RMDN1: variants seen among roughly 807,000 people sequenced by gnomAD.
RMDN1 encodes regulator of microtubule dynamics 1, also known as regulator of microtubule dynamics protein 1.
A neutral mutation model predicts 48.9 loss-of-function variants in RMDN1; 48 were observed. The ratio of observed to expected loss-of-function variants is 0.98; its 90% CI spans 0.78 to 1.25. The LOEUF is 1.25. Ranked by LOEUF, RMDN1 falls within the 50% of genes most tolerant of loss-of-function variation. The probability of loss-of-function intolerance (pLI) is 0.00; values close to 1 mark genes in which losing one functional copy is unlikely to be tolerated. For missense variants in RMDN1, 418 were observed against 373.4 expected, an observed-to-expected ratio of 1.12 and a Z score of -0.98; for synonymous variants, 148 against 132.6, an observed-to-expected ratio of 1.12 and a Z score of -0.80.
Position 86,474,298 on chromosome 8 carries a change from T to C in RMDN1, c.*10A>G, listed in dbSNP as rs141097923. On this transcript the variant is annotated 3_prime_UTR_variant, in exon 10 of 10. Coordinates refer to ENST00000406452, the MANE Select transcript of RMDN1 (RefSeq NM_016033.3). ...TATTAGCTATTTCATAAATCTTCTC[T>C]GAAAAGTTCTCAATTCTTCTCACTG... The C allele has an allele frequency of 3.4e-4, 552 of 1,613,460 alleles. No individual in the cohort carries two copies. Among genetic ancestry groups the C allele is most frequent in the Non-Finnish European group, 4.3e-4 (509 of 1,179,736 alleles).
At chr8:86,499,484 A>C (rs367680023) in intron 2 of RMDN1, among the ~76,000 whole-genome samples, 16 of 152,324 alleles carry the variant, frequency 1.1e-4, no homozygotes, top group African/African-American at 3.6e-4. Flanking sequence ...CAAAAATAAT[A>C]AAATACTTAG....
At chr8:86,476,321 T>G (rs985594471) in intron 8 of RMDN1, among the ~76,000 whole-genome samples, 18 of 152,224 alleles carry the variant, frequency 1.2e-4, no homozygotes, top group Admixed American at 6.5e-4. Context: ...TAAATCAGAA[T>G]TGATGAATTA....
intron 2 of RMDN1, among the ~76,000 whole-genome samples, chr8:86,493,737 T>C (rs1449817151): frequency 6.6e-6 from 1 of 152,208 alleles, no homozygotes; most frequent in African/African-American, 2.4e-5. Context: ...GATTGTTCAG[T>C]GCACACAAAC....
intron 2 of RMDN1, among the ~76,000 whole-genome samples, chr8:86,505,949 T>C (rs1228729975): frequency 6.6e-6 from 1 of 152,222 alleles, no homozygotes; most frequent in Non-Finnish European, 1.5e-5. Flanking sequence ...TTTAATAGTT[T>C]ACATGTAGTA....
At chr8:86,505,353 C>T (rs142757571) in intron 2 of RMDN1, 1 of 458,366 alleles carries the variant, frequency 2.2e-6, no homozygotes, top group Non-Finnish European at 4.4e-6. Flanking sequence ...GCCAGTTTTT[C>T]CTTCCTTGGG....
intron 2 of RMDN1, among the ~76,000 whole-genome samples, chr8:86,490,927 G>T (rs1288592770): frequency 6.6e-6 from 1 of 151,874 alleles, no homozygotes; most frequent in Non-Finnish European, 1.5e-5. Context: ...GGAGGCTGAG[G>T]TGGAAGGATC....
chr8:86,489,466 T>C (rs1327392388), intron 2 of RMDN1, among the ~76,000 whole-genome samples: 5 of 152,224 alleles, frequency 3.3e-5, no homozygotes, highest in African/African-American at 1.2e-4. Context: ...ACTGTACTAC[T>C]TAGTCCTAAG....
chr8:86,501,132 C>T (rs571613178), intron 2 of RMDN1, among the ~76,000 whole-genome samples: 3 of 152,192 alleles, frequency 2.0e-5, no homozygotes, highest in South Asian at 2.1e-4. Context: ...ATCACTTGTA[C>T]ACCGAATTCC....
intron 3 of RMDN1, among the ~76,000 whole-genome samples, chr8:86,487,503 G>A (rs898975931): frequency 5.9e-5 from 9 of 152,072 alleles, no homozygotes; most frequent in African/African-American, 1.9e-4. Context: ...CAGAAGAATC[G>A]CTTGAACCTG....
chr8:86,491,285 C>T (rs1210077431), intron 2 of RMDN1, among the ~76,000 whole-genome samples: 3 of 152,060 alleles, frequency 2.0e-5, no homozygotes, highest in East Asian at 1.9e-4. Context: ...CAGGTGCGCA[C>T]CACCACGCCC....
intron 2 of RMDN1, among the ~76,000 whole-genome samples, chr8:86,489,921 TTTAAG>T (rs755411129): frequency 7.4e-5 from 11 of 148,352 alleles, no homozygotes; most frequent in Non-Finnish European, 1.7e-4. Context: ...CAATCGTGTT[TTTAAG>T]TTAACATCAT....
rs1468849288 is a variant in RMDN1, at chr8:86,472,477, C to T, written c.*1831G>A. The stretch of plus-strand genomic sequence containing the variant: ...CCCTTCAGCTGCTTCTGTTTCTCTT[C>T]ACCTACAAAAATAAAATTACAGTAT... On this transcript the variant is annotated 3_prime_UTR_variant, in exon 10 of 10. Transcript: ENST00000406452. 2 of 702,408 alleles carry T rather than the reference C, an allele frequency of 2.8e-6. No homozygotes were observed. The highest frequency in any genetic ancestry group is 3.5e-5 in the African/African-American group (2 of 57,260). 43.5% of individuals were successfully genotyped at this position (702,408 alleles called of 1,614,324 possible).
chr8:86,468,287 A>G, downstream of RMDN1: 1 of 403,072 alleles, frequency 2.5e-6, no homozygotes, highest in Non-Finnish European at 4.8e-6. Flanking sequence ...CCAAAATTTT[A>G]TTTTTCTACA....
upstream of RMDN1, among the ~76,000 whole-genome samples, chr8:86,513,306 C>T (rs906884079): frequency 3.9e-5 from 6 of 152,068 alleles, no homozygotes; most frequent in Admixed American, 1.3e-4. Context: ...ACCCGGGAGG[C>T]GGAGGTTGTG....
In RMDN1 at chr8:86,485,590, T is replaced by G. The variant is rs140704510; in HGVS notation, c.496-629A>C. 9.6e-4 allele frequency among the ~76,000 whole-genome samples: 147 copies of G among 152,354 alleles called. 1 individual carries two copies. In the East Asian group the frequency reaches 0.027, roughly 28 times the overall value. Reference sequence around the variant, plus strand: ...CAATTTAGAAGAATATGTAATTGAATGTTTTATTTTCTCATTCTCTTTTCT... The same window carrying G: ...CAATTTAGAAGAATATGTAATTGAAGGTTTTATTTTCTCATTCTCTTTTCT... On this transcript the variant is annotated intron_variant, in intron 4 of 9. Coordinates refer to ENST00000406452, the MANE Select transcript of RMDN1 (RefSeq NM_016033.3).
intron 2 of RMDN1, among the ~76,000 whole-genome samples, chr8:86,500,528 A>AT (rs1314353692): frequency 7.2e-6 from 1 of 138,026 alleles, no homozygotes; most frequent in Non-Finnish European, 1.6e-5. Context: ...AAAAAAAATA[A>AT]TTAAAAAAAA....
chr8:86,471,485 T>C (rs1464488600), downstream of RMDN1, among the ~76,000 whole-genome samples: 4 of 152,052 alleles, frequency 2.6e-5, no homozygotes, highest in Admixed American at 1.3e-4. Flanking sequence ...ATTAGATATT[T>C]AAAAAATCTG....
intron 6 of RMDN1, among the ~76,000 whole-genome samples, chr8:86,479,684 TAA>T (rs1814007165): frequency 6.6e-6 from 1 of 152,180 alleles, no homozygotes; most frequent in Admixed American, 6.5e-5. Context: ...ATTTCTCTTT[TAA>T]AAGAGTTTGA....
chr8:86,508,476 A>G lies in RMDN1; in HGVS notation c.129+16T>C. The G allele has an allele frequency of 1.3e-6, 2 of 1,541,404 alleles. No homozygotes were observed. Among genetic ancestry groups the G allele is most frequent in the Non-Finnish European group, 8.7e-7 (1 of 1,143,750 alleles). ...GAGTAGGAAGTGAGGAGCGGGAGCC[A>G]GGACCACGGGGGTACCTCGAAGCCG... On this transcript the variant is annotated intron_variant, in intron 1 of 9. Coordinates refer to ENST00000406452, the MANE Select transcript of RMDN1 (RefSeq NM_016033.3).
Sources: gnomAD v4.1 joint callset for allele counts (sites outside exome capture counted in the v4.1 genomes callset) on GRCh38, gnomAD v4.1.1 for gene constraint, MANE v1.5 for transcripts, NCBI Gene and HGNC (gene_info 2026-07-23, HGNC 2026-07-21) for gene names.